PLPPR1: variants seen among roughly 807,000 people sequenced by gnomAD.
PLPPR1 encodes phospholipid phosphatase related 1.
PLPPR1 carries 10 observed loss-of-function variants against 33.1 expected under a neutral mutation model. That is an observed-to-expected ratio of 0.30 (90% CI 0.19 to 0.51). The LOEUF (loss-of-function observed/expected upper bound fraction) is 0.51, where lower values mean the gene tolerates loss of function less well. Among genes scored for constraint, PLPPR1 ranks in the 20% least tolerant of loss-of-function variants. The pLI is 0.97. For missense variants in PLPPR1, 304 were observed against 408.1 expected (o/e 0.74, Z 2.20); for synonymous variants, 151 against 151.0 (o/e 1.00, Z 0.00).
At chr9:101,305,890 C>G (rs1436774949) in intron 4 of PLPPR1, among the ~76,000 whole-genome samples, 2 of 152,174 alleles carry the variant, frequency 1.3e-5, no homozygotes, top group Non-Finnish European at 2.9e-5. Context: ...CTAACTTGTC[C>G]AAAGACATCC....
intron 1 of PLPPR1, among the ~76,000 whole-genome samples, chr9:101,128,862 C>A (rs1004986486): frequency 1.3e-5 from 2 of 152,096 alleles, no homozygotes; most frequent in Non-Finnish European, 2.9e-5. Context: ...TTTGAAACCC[C>A]ATCTTTTTCC....
chr9:101,300,836 G>A (rs1009096647), intron 4 of PLPPR1, among the ~76,000 whole-genome samples: 1 of 152,050 alleles, frequency 6.6e-6, no homozygotes, highest in Non-Finnish European at 1.5e-5. Flanking sequence ...ATAGCCTCTG[G>A]CAAACTTTTA....
chr9:101,054,275 C>T (rs1025744369), intron 1 of PLPPR1, among the ~76,000 whole-genome samples: 4 of 152,110 alleles, frequency 2.6e-5, no homozygotes, highest in African/African-American at 9.7e-5. Context: ...TACTTTTGCC[C>T]ACATTGAACT....
chr9:101,269,783 G>C (rs1329436119), intron 2 of PLPPR1, 97 bp from the exon 3 acceptor site: 1 of 1,165,922 alleles, frequency 8.6e-7, no homozygotes, highest in East Asian at 2.3e-5. Context: ...AATATCAGGA[G>C]AGCCGCTGCT....
At chr9:101,151,422 T>C (rs1293241304) in intron 1 of PLPPR1, among the ~76,000 whole-genome samples, 1 of 152,220 alleles carries the variant, frequency 6.6e-6, no homozygotes, top group Non-Finnish European at 1.5e-5. Context: ...TTTGTACTTA[T>C]TATCAAAGGA....
chr9:101,322,764 A>G (rs1341795142), intron 7 of PLPPR1, among the ~76,000 whole-genome samples: 2 of 152,230 alleles, frequency 1.3e-5, no homozygotes, highest in Non-Finnish European at 2.9e-5. Context: ...AGATTGTAAT[A>G]CTTTTCTCTT....
At chr9:101,091,323 T>C (rs1439840552) in intron 1 of PLPPR1, among the ~76,000 whole-genome samples, 1 of 152,190 alleles carries the variant, frequency 6.6e-6, no homozygotes, top group Admixed American at 6.5e-5. Context: ...GATTTAAATG[T>C]ACAACTTTAG....
intron 2 of PLPPR1, among the ~76,000 whole-genome samples, chr9:101,186,599 C>T (rs935410416): frequency 2.6e-5 from 4 of 151,842 alleles, no homozygotes; most frequent in Non-Finnish European, 5.9e-5. Context: ...TTATACAAAT[C>T]CTGTGAAACA....
At position 101,201,363 on chromosome 9, in the gene PLPPR1, T is replaced by C. The variant is rs556654612; in HGVS notation, c.63+15806T>C. Reference sequence around the variant, plus strand: ...TGTACTGTTAAAATATAAGTTCCTCTTAGCTGATATTTCCTCAGACTCTTC... The same window carrying C: ...TGTACTGTTAAAATATAAGTTCCTCCTAGCTGATATTTCCTCAGACTCTTC... On this transcript the variant is annotated intron_variant, in intron 2 of 7. Coordinates refer to ENST00000374874, the MANE Select transcript of PLPPR1 (RefSeq NM_207299.2). Among the ~76,000 whole-genome samples, 24 of 152,320 alleles carry C rather than the reference T, an allele frequency of 1.6e-4. 1 individual carries two copies. In the South Asian group the frequency reaches 5.0e-3, roughly 32 times the overall value.
intron 4 of PLPPR1, among the ~76,000 whole-genome samples, chr9:101,306,642 T>C (rs1473852703): frequency 6.6e-6 from 1 of 152,184 alleles, no homozygotes; most frequent in Non-Finnish European, 1.5e-5. Context: ...TTCTCTGAAG[T>C]AAGAAACAAC....
At chr9:101,134,639 C>G (rs190306871) in intron 1 of PLPPR1, among the ~76,000 whole-genome samples, 5 of 152,302 alleles carry the variant, frequency 3.3e-5, no homozygotes, top group East Asian at 1.9e-4. Flanking sequence ...CCACCTCAGC[C>G]TCCCAGAGTG....
intron 1 of PLPPR1, among the ~76,000 whole-genome samples, chr9:101,040,540 C>G (rs1304440080): frequency 1.3e-5 from 2 of 152,112 alleles, no homozygotes; most frequent in Non-Finnish European, 2.9e-5. Context: ...CCCAAACATA[C>G]TTTCATCTCA....
chr9:101,208,090 T>A (rs1456663978), intron 2 of PLPPR1, among the ~76,000 whole-genome samples: 1 of 152,182 alleles, frequency 6.6e-6, no homozygotes. Flanking sequence ...GAGCATATAT[T>A]TTTTGGTTAG....
chr9:101,070,879 T>G (rs1830475331), intron 1 of PLPPR1, among the ~76,000 whole-genome samples: 1 of 152,144 alleles, frequency 6.6e-6, no homozygotes, highest in Admixed American at 6.6e-5. Context: ...ATCTGACACT[T>G]CAAAGAGGTG....
intron 4 of PLPPR1, among the ~76,000 whole-genome samples, chr9:101,307,762 C>T (rs1456162077): frequency 1.3e-5 from 2 of 152,164 alleles, no homozygotes; most frequent in Admixed American, 1.3e-4. Flanking sequence ...ACACTGAATA[C>T]GGGAGTCAAA....
At chr9:101,058,151 T>C (rs540757971) in intron 1 of PLPPR1, among the ~76,000 whole-genome samples, 14 of 152,070 alleles carry the variant, frequency 9.2e-5, no homozygotes, top group Non-Finnish European at 1.2e-4. Context: ...ATGACTATTC[T>C]ATATGGGAGA....
At chr9:101,250,564 T>TA (rs1827697431) in intron 2 of PLPPR1, among the ~76,000 whole-genome samples, 1 of 152,046 alleles carries the variant, frequency 6.6e-6, no homozygotes. Context: ...AGTGACAGGC[T>TA]AGGTGTTGTT....
chr9:101,244,151 A>G (rs79506349), intron 2 of PLPPR1, among the ~76,000 whole-genome samples: 3,785 of 152,114 alleles, frequency 0.025, 72 homozygotes, highest in Non-Finnish European at 0.039. Flanking sequence ...GAATTTTTCA[A>G]TTAGGAGGTT....
chr9:101,187,549 A>G (rs985354278), intron 2 of PLPPR1: 1 of 151,958 alleles, frequency 6.6e-6, no homozygotes, highest in African/African-American at 2.4e-5. Flanking sequence ...GGCAAAAGGG[A>G]AGGGAAGTAG....
Sources: gnomAD v4.1 joint callset for allele counts (sites outside exome capture counted in the v4.1 genomes callset) on GRCh38, gnomAD v4.1.1 for gene constraint, MANE v1.5 for transcripts, NCBI Gene and HGNC (gene_info 2026-07-23, HGNC 2026-07-21) for gene names.